RELCH: variants seen among roughly 807,000 people sequenced by gnomAD.
The protein encoded by RELCH is RAB11 binding and LisH domain, coiled-coil and HEAT repeat containing, also known as RAB11-binding protein RELCH.
A neutral mutation model predicts 150.3 loss-of-function variants in RELCH; 41 were observed. The observed-to-expected ratio is 0.27, with a 90% CI of 0.21 to 0.35. The LOEUF (loss-of-function observed/expected upper bound fraction) is 0.35, where lower values mean the gene tolerates loss of function less well. Ranked by LOEUF, RELCH falls within the 10% of genes least tolerant of loss-of-function variation. The pLI is 1.00. For missense variants in RELCH, 1,092 were observed against 1,467.8 expected, an observed-to-expected ratio of 0.74 and a Z score of 4.18; for synonymous variants, 478 against 531.8, an observed-to-expected ratio of 0.90 and a Z score of 1.39.
rs186137650 is a variant in RELCH at position 62,262,213 on chromosome 18, G to A, written c.2350+555G>A. ...TACATAAAATTGACAGGAGAGGCCA[G>A]TATTTTCTTATCTTACTCTCCGAGT... On this transcript the variant is annotated intron_variant, in intron 16 of 28. Coordinates refer to ENST00000644646, the MANE Select transcript of RELCH (RefSeq NM_001346231.2). Among the ~76,000 whole-genome samples, 236 of 152,140 alleles carry A rather than the reference G, an allele frequency of 1.6e-3. 1 individual carries two copies. Among genetic ancestry groups the A allele is most frequent in the African/African-American group, 5.3e-3 (220 of 41,544 alleles).
intron 1 of RELCH, among the ~76,000 whole-genome samples, chr18:62,190,385 T>A (rs989404409): frequency 6.6e-6 from 1 of 152,134 alleles, no homozygotes; most frequent in Non-Finnish European, 1.5e-5. Flanking sequence ...GAGACCAGCC[T>A]GGCCAACATG....
intron 2 of RELCH, among the ~76,000 whole-genome samples, chr18:62,214,600 C>T (rs2040371971): frequency 6.6e-6 from 1 of 152,132 alleles, no homozygotes; most frequent in Non-Finnish European, 1.5e-5. Flanking sequence ...TAGGTTTCTG[C>T]CTGGGCCCCC....
chr18:62,194,252 A>C (rs537518292), intron 1 of RELCH, among the ~76,000 whole-genome samples: 8 of 152,174 alleles, frequency 5.3e-5, no homozygotes, highest in African/African-American at 1.4e-4. Context: ...CTCAAAAAAA[A>C]CCCCAAAAAA....
intron 1 of RELCH, among the ~76,000 whole-genome samples, chr18:62,192,343 C>A (rs1031487920): frequency 2.0e-5 from 3 of 152,134 alleles, no homozygotes; most frequent in Non-Finnish European, 4.4e-5. Flanking sequence ...TGTAGGTTGT[C>A]TGTTCACTCT....
At chr18:62,277,009 A>G (rs1354864054) in intron 22 of RELCH, among the ~76,000 whole-genome samples, 1 of 152,262 alleles carries the variant, frequency 6.6e-6, no homozygotes, top group Admixed American at 6.5e-5. Context: ...TATTTCTTTA[A>G]TATACTCTCT....
rs1305877071 is a variant in RELCH, at chr18:62,198,421, C to A, written c.526+10390C>A. 2.0e-5 allele frequency among the ~76,000 whole-genome samples: 3 copies of A among 152,170 alleles called. No individual in the cohort carries two copies. In the East Asian group the frequency reaches 5.8e-4, roughly 29 times the overall value. ...AACACAGTTGCAATCATGGGTGTAGCCTTCTTCCAGATTTTCTCACCTATT... is the reference window on the plus strand; with the variant it reads ...AACACAGTTGCAATCATGGGTGTAGACTTCTTCCAGATTTTCTCACCTATT... On this transcript the variant is annotated intron_variant, in intron 1 of 28. Coordinates refer to ENST00000644646, the MANE Select transcript of RELCH (RefSeq NM_001346231.2).
chr18:62,213,906 CTCTG>C lies in RELCH; in HGVS notation c.616+2669_616+2672del, dbSNP rs747359538. ...AAGGCAGAGTAAAAAGGTTCATATTCTCTGTCTGACCTAAATGCTTTTTGAGAGA... is the reference window on the plus strand; with the variant it reads ...AAGGCAGAGTAAAAAGGTTCATATTCTCTGACCTAAATGCTTTTTGAGAGA... On this transcript the variant is annotated intron_variant, in intron 2 of 28. Coordinates refer to ENST00000644646, the MANE Select transcript of RELCH (RefSeq NM_001346231.2). Among the ~76,000 whole-genome samples, 57 of 152,090 alleles carry C rather than the reference CTCTG, an allele frequency of 3.7e-4. No homozygotes were observed. The Middle Eastern group carries it at 0.01, about 27-fold the overall frequency.
chr18:62,251,341 T>C (rs533003431), intron 11 of RELCH, among the ~76,000 whole-genome samples: 1 of 152,336 alleles, frequency 6.6e-6, no homozygotes, highest in East Asian at 1.9e-4. Context: ...CAGTTGGTCA[T>C]TGTCAAGAAT....
chr18:62,217,323 T>C (rs1396976734), intron 2 of RELCH, among the ~76,000 whole-genome samples: 2 of 152,026 alleles, frequency 1.3e-5, no homozygotes, highest in African/African-American at 4.8e-5. Flanking sequence ...TTTAGGGTTT[T>C]AGGTTATTGT....
intron 2 of RELCH, among the ~76,000 whole-genome samples, chr18:62,215,618 T>C (rs571569036): frequency 2.0e-5 from 3 of 152,348 alleles, no homozygotes; most frequent in Non-Finnish European, 4.4e-5. Context: ...ATATTTTATT[T>C]AATCTTGTTA....
chr18:62,221,378 T>C lies in RELCH; in HGVS notation c.745-6T>C, dbSNP rs776528552. The C allele has an allele frequency of 2.5e-6, 4 of 1,585,896 alleles. No homozygotes were observed. The highest frequency in any genetic ancestry group is 3.5e-6 in the Non-Finnish European group (4 of 1,155,460). ...ATTTCCTGTTTGCCTCTTATTTTGC[T>C]TCCAGGAGCCAATCAAACCTCTTGA... On this transcript the variant is annotated splice_region_variant and splice_polypyrimidine_tract_variant and intron_variant, in intron 4 of 28. Transcript: ENST00000644646.
intron 1 of RELCH, among the ~76,000 whole-genome samples, chr18:62,189,852 T>A (rs2038490572): frequency 1.3e-5 from 2 of 152,254 alleles, no homozygotes; most frequent in Non-Finnish European, 2.9e-5. Flanking sequence ...ACTAGAGTCT[T>A]ATGATCAAAT....
At chr18:62,249,627 C>T (rs922021549) in intron 11 of RELCH, among the ~76,000 whole-genome samples, 24 of 151,856 alleles carry the variant, frequency 1.6e-4, no homozygotes, top group Admixed American at 8.5e-4. Flanking sequence ...AAAACCTGGT[C>T]TTAGAGTCTA....
At position 62,221,141 on chromosome 18, in the gene RELCH, A is replaced by G. The variant is rs1229928768; in HGVS notation, c.688+33A>G. On this transcript the variant is annotated intron_variant, in intron 3 of 28. Coordinates refer to ENST00000644646, the MANE Select transcript of RELCH (RefSeq NM_001346231.2). ...ACATAAAACTTTTTTGAGACTTTTCAACTTTGACAATGTAGAAGTAGCTGA... is the reference window on the plus strand; with the variant it reads ...ACATAAAACTTTTTTGAGACTTTTCGACTTTGACAATGTAGAAGTAGCTGA... The G allele has an allele frequency of 2.5e-6, 4 of 1,605,408 alleles. No homozygotes were observed. The South Asian group carries it at 4.4e-5, about 18-fold the overall frequency.
intron 10 of RELCH, among the ~76,000 whole-genome samples, chr18:62,239,878 G>A (rs373728349): frequency 6.6e-6 from 1 of 151,802 alleles, no homozygotes. Context: ...GTTCCTCCAC[G>A]CCTTCTGTGC....
In RELCH at chr18:62,210,897, C is replaced by G. The variant is rs867093649; in HGVS notation, c.527-256C>G. 5.3e-5 allele frequency among the ~76,000 whole-genome samples: 8 copies of G among 152,124 alleles called. No homozygotes were observed. In the East Asian group the frequency reaches 1.5e-3, roughly 29 times the overall value. On this transcript the variant is annotated intron_variant, in intron 1 of 28. Transcript: ENST00000644646. ...CTTCTGTTTTGTTTGTTTGTTTTGT[C>G]CTTGCCTGGGCTGCTTGCAATATTC...
intron 1 of RELCH, among the ~76,000 whole-genome samples, chr18:62,196,220 T>TTTTTC (rs201935424): frequency 6.6e-5 from 10 of 151,188 alleles, no homozygotes; most frequent in South Asian, 2.1e-4. Context: ...ACCAGCGCAA[T>TTTTTC]TTTTCTTTTC....
chr18:62,195,278 C>G (rs1471593523), intron 1 of RELCH, among the ~76,000 whole-genome samples: 15 of 113,228 alleles, frequency 1.3e-4, no homozygotes, highest in African/African-American at 5.3e-4. Flanking sequence ...TATACACACA[C>G]TCTGTGTGTG....
chr18:62,192,280 C>T (rs1408699798), intron 1 of RELCH, among the ~76,000 whole-genome samples: 1 of 152,154 alleles, frequency 6.6e-6, no homozygotes, highest in Admixed American at 6.5e-5. Context: ...CTTGTAGACT[C>T]TGGATGTTAG....
Sources: gnomAD v4.1 joint callset for allele counts (sites outside exome capture counted in the v4.1 genomes callset) on GRCh38, gnomAD v4.1.1 for gene constraint, MANE v1.5 for transcripts, NCBI Gene and HGNC (gene_info 2026-07-23, HGNC 2026-07-21) for gene names.